IQCH: variants seen among roughly 807,000 people sequenced by gnomAD.
The protein encoded by IQCH is IQ domain-containing protein H.
IQCH carries 98 observed loss-of-function variants against 117.0 expected under a neutral mutation model. The ratio of observed to expected loss-of-function variants is 0.84; its 90% CI spans 0.71 to 0.99. The LOEUF is 0.99. Among genes scored for constraint, IQCH ranks in the 50% least tolerant of loss-of-function variants. The pLI, the probability that IQCH is intolerant of heterozygous loss-of-function variation, is 0.00. For missense variants in IQCH, 1,102 were observed against 1,243.8 expected, an observed-to-expected ratio of 0.89 and a Z score of 1.72; for synonymous variants, 412 against 448.2, an observed-to-expected ratio of 0.92 and a Z score of 1.02.
intron 14 of IQCH, among the ~76,000 whole-genome samples, chr15:67,415,680 A>G (rs777607298): frequency 1.3e-5 from 2 of 152,122 alleles, no homozygotes; most frequent in African/African-American, 4.8e-5. Context: ...TGTGATTTCT[A>G]ATATTCCAAT....
chr15:67,435,147 A>G (rs2082108767), intron 16 of IQCH, among the ~76,000 whole-genome samples: 1 of 151,364 alleles, frequency 6.6e-6, no homozygotes, highest in Non-Finnish European at 1.5e-5. Flanking sequence ...GAGCCACTGC[A>G]CCCAGCCTTC....
intron 16 of IQCH, among the ~76,000 whole-genome samples, chr15:67,461,282 G>A (rs1429677829): frequency 2.6e-5 from 4 of 152,236 alleles, no homozygotes; most frequent in Non-Finnish European, 2.9e-5. Context: ...GAGGTGCTCA[G>A]TGAATATTTG....
At chr15:67,347,057 A>T (rs1969427349) in intron 6 of IQCH, among the ~76,000 whole-genome samples, 1 of 152,108 alleles carries the variant, frequency 6.6e-6, no homozygotes, top group African/African-American at 2.4e-5. Context: ...AGCATTAAAT[A>T]CTTTTATTAG....
chr15:67,330,384 C>T (rs1968612784), intron 4 of IQCH, among the ~76,000 whole-genome samples: 1 of 152,248 alleles, frequency 6.6e-6, no homozygotes, highest in African/African-American at 2.4e-5. Flanking sequence ...AACATACACT[C>T]TGCACATTGC....
intron 4 of IQCH, among the ~76,000 whole-genome samples, chr15:67,336,113 C>G (rs1447297172): frequency 1.3e-5 from 2 of 152,000 alleles, no homozygotes; most frequent in Non-Finnish European, 2.9e-5. Flanking sequence ...TGGCCTGAAA[C>G]AAATTTCTAA....
intron 5 of IQCH, among the ~76,000 whole-genome samples, chr15:67,341,150 T>A (rs1308641359): frequency 6.6e-6 from 1 of 152,124 alleles, no homozygotes; most frequent in Admixed American, 6.5e-5. Context: ...AGGCGGAGGT[T>A]GCAGTGAACT....
intron 16 of IQCH, among the ~76,000 whole-genome samples, chr15:67,452,447 T>A (rs2082551910): frequency 6.6e-6 from 1 of 152,232 alleles, no homozygotes; most frequent in Non-Finnish European, 1.5e-5. Flanking sequence ...CAGCATTTGC[T>A]TGTCTGTAAA....
intron 10 of IQCH, among the ~76,000 whole-genome samples, chr15:67,383,687 T>C (rs889452091): frequency 2.9e-4 from 44 of 152,208 alleles, no homozygotes; most frequent in African/African-American, 1.0e-3. Context: ...CATAAAGACA[T>C]TGGAGTTGTA....
At chr15:67,264,258 T>G (rs1195407784) in intron 3 of IQCH, among the ~76,000 whole-genome samples, 2 of 152,250 alleles carry the variant, frequency 1.3e-5, no homozygotes, top group African/African-American at 4.8e-5. Flanking sequence ...TCATCCCTAC[T>G]GCCTGCAAGG....
intron 4 of IQCH, among the ~76,000 whole-genome samples, chr15:67,285,632 G>A (rs892692890): frequency 6.6e-6 from 1 of 152,090 alleles, no homozygotes; most frequent in African/African-American, 2.4e-5. Flanking sequence ...GTTTGTGTGT[G>A]GTGTAAGGAA....
intron 4 of IQCH, among the ~76,000 whole-genome samples, chr15:67,325,311 G>T (rs1201196541): frequency 6.6e-6 from 1 of 150,712 alleles, no homozygotes; most frequent in African/African-American, 2.4e-5. Context: ...TGTTCATTTA[G>T]TATTATTATT....
chr15:67,449,365 A>G (rs2082464717), intron 16 of IQCH, among the ~76,000 whole-genome samples: 1 of 152,056 alleles, frequency 6.6e-6, no homozygotes, highest in Admixed American at 6.6e-5. Flanking sequence ...TAGGTCTAAC[A>G]TTTAAGTCTT....
chr15:67,335,707 T>G (rs1968862095), intron 4 of IQCH, among the ~76,000 whole-genome samples: 1 of 152,074 alleles, frequency 6.6e-6, no homozygotes. Flanking sequence ...AGTCCTGCAC[T>G]CTCATTAAGG....
At chr15:67,414,276 G>A (rs1038937476) in intron 14 of IQCH, among the ~76,000 whole-genome samples, 1 of 152,154 alleles carries the variant, frequency 6.6e-6, no homozygotes, top group Non-Finnish European at 1.5e-5. Flanking sequence ...CCCTGTGCTG[G>A]GCACTGGGAG....
intron 4 of IQCH, chr15:67,304,291 G>A (rs1253986011): frequency 1.1e-6 from 1 of 888,832 alleles, no homozygotes; most frequent in Non-Finnish European, 1.7e-6. Context: ...ATGTTAGTAA[G>A]CATTTTTGTT....
chr15:67,477,044 C>CTTTTTTTTTTTTTTTT (rs71455553), intron 18 of IQCH, among the ~76,000 whole-genome samples: 97 of 71,178 alleles, frequency 1.4e-3, no homozygotes, highest in African/African-American at 1.6e-3. Context: ...TCTTTTTCTT[C>CTTTTTTTTTTTTTTTT]TTTTTTTTTT....
intron 2 of IQCH, 120 bp downstream of exon 2, chr15:67,261,514 C>A: frequency 1.4e-6 from 1 of 725,774 alleles, no homozygotes. Context: ...TTAGGGCAGT[C>A]GTCAGCATTC....
chr15:67,325,624 A>G (rs1413263429), intron 4 of IQCH, among the ~76,000 whole-genome samples: 2 of 152,134 alleles, frequency 1.3e-5, no homozygotes, highest in East Asian at 3.8e-4. Context: ...ACGATACTTT[A>G]TCCTAAATAG....
Position 67,496,856 on chromosome 15 carries a change from A to C in IQCH, c.2970+2490A>C, listed in dbSNP as rs2083826676. ...ACAAGGTGAAACCCCGTCTCTACTAAAAATACAAAAAATTAGCCGGGCACG... is the reference window on the plus strand; with the variant it reads ...ACAAGGTGAAACCCCGTCTCTACTACAAATACAAAAAATTAGCCGGGCACG... On this transcript the variant is annotated intron_variant, in intron 20 of 20. Transcript: ENST00000335894. This position sits in a 1 kb window ranked among gnomAD's most constrained non-coding sequence, Gnocchi z 4.4. Among the ~76,000 whole-genome samples, 1 of 151,060 alleles carries C rather than the reference A, an allele frequency of 6.6e-6. No individual in the cohort carries two copies. Among genetic ancestry groups the C allele is most frequent in the Non-Finnish European group, 1.5e-5 (1 of 67,804 alleles).
Sources: gnomAD v4.1 joint callset for allele counts (sites outside exome capture counted in the v4.1 genomes callset) on GRCh38, gnomAD v4.1.1 for gene constraint, Gnocchi (gnomAD v3.1) non-coding constraint, MANE v1.5 for transcripts, NCBI Gene and HGNC (gene_info 2026-07-23, HGNC 2026-07-21) for gene names.